The following ARFIP1 variants were observed in gnomAD, a reference collection of about 807,000 sequenced individuals.
The protein encoded by ARFIP1 is ARF interacting protein 1.
A neutral mutation model predicts 42.5 loss-of-function variants in ARFIP1; 24 were observed. The ratio of observed to expected loss-of-function variants is 0.57; its 90% CI spans 0.41 to 0.80. ARFIP1 has a LOEUF of 0.80. Among genes scored for constraint, ARFIP1 ranks in the 30% least tolerant of loss-of-function variants. ARFIP1 has a pLI of 0.00. For missense variants in ARFIP1, 354 were observed against 434.0 expected, an observed-to-expected ratio of 0.82 and a Z score of 1.64; for synonymous variants, 141 against 153.7, an observed-to-expected ratio of 0.92 and a Z score of 0.61.
At chr4:152,900,953 TAAC>T (rs1737781936) in intron 8 of ARFIP1, among the ~76,000 whole-genome samples, 1 of 152,232 alleles carries the variant, frequency 6.6e-6, no homozygotes. Context: ...TTGAAGAACT[TAAC>T]AATCATAAAT....
chr4:152,852,393 G>A (rs1456169520), intron 2 of ARFIP1, among the ~76,000 whole-genome samples: 1 of 152,152 alleles, frequency 6.6e-6, no homozygotes, highest in Admixed American at 6.5e-5. Context: ...CACTTTGGGA[G>A]GCTGAGGCGG....
At chr4:152,845,279 C>A (rs1184414624) in intron 2 of ARFIP1, among the ~76,000 whole-genome samples, 1 of 152,144 alleles carries the variant, frequency 6.6e-6, no homozygotes, top group African/African-American at 2.4e-5. Context: ...CTAGGAAACA[C>A]CATCTGGCCA....
At chr4:152,830,336 C>A (rs1731166733) in intron 2 of ARFIP1, among the ~76,000 whole-genome samples, 1 of 152,034 alleles carries the variant, frequency 6.6e-6, no homozygotes, top group Non-Finnish European at 1.5e-5. Context: ...GTTTTCTAAT[C>A]TCTACAATGA....
rs377025736 is a variant in ARFIP1 at position 152,900,657 on chromosome 4, TA to T, written c.967-9403del. 2.3e-3 allele frequency among the ~76,000 whole-genome samples: 346 copies of T among 152,256 alleles called. 2 individuals are homozygous for T. The highest frequency in any genetic ancestry group is 8.0e-3 in the African/African-American group (333 of 41,556). On this transcript the variant is annotated intron_variant, in intron 8 of 8. Coordinates refer to ENST00000353617, the MANE Select transcript of ARFIP1 (RefSeq NM_001025595.3). ...ATAAAATTATACTCCACAAACCTAA[TA>T]AAAGGCCAAGGCAGGTATATTTTCT...
At chr4:152,875,835 G>C (rs891444056) in intron 5 of ARFIP1, among the ~76,000 whole-genome samples, 8 of 151,900 alleles carry the variant, frequency 5.3e-5, no homozygotes, top group African/African-American at 1.7e-4. Context: ...TTGTGGGAGG[G>C]ACCTAAGGGG....
intron 1 of ARFIP1, among the ~76,000 whole-genome samples, chr4:152,808,630 A>G (rs1216210907): frequency 6.6e-6 from 1 of 152,048 alleles, no homozygotes; most frequent in Non-Finnish European, 1.5e-5. Context: ...GTTGCTCTAC[A>G]TACTGGCTAC....
intron 1 of ARFIP1, among the ~76,000 whole-genome samples, chr4:152,812,909 T>C (rs947910272): frequency 6.6e-6 from 1 of 152,212 alleles, no homozygotes; most frequent in Non-Finnish European, 1.5e-5. Flanking sequence ...GAATCCACCT[T>C]TTTTCATTCC....
intron 5 of ARFIP1, among the ~76,000 whole-genome samples, chr4:152,880,479 C>T (rs1416614727): frequency 1.3e-5 from 2 of 152,124 alleles, no homozygotes; most frequent in African/African-American, 2.4e-5. Context: ...CCTCTTCCCC[C>T]CCGCTTTCAT....
intron 1 of ARFIP1, among the ~76,000 whole-genome samples, chr4:152,812,507 T>A (rs965448958): frequency 6.6e-6 from 1 of 152,254 alleles, no homozygotes; most frequent in African/African-American, 2.4e-5. Flanking sequence ...TTCCTTTTAA[T>A]GTTCCACACG....
rs181919263 is a variant in ARFIP1, at chr4:152,793,814, C to T, written c.-10+13588C>T. ...TTTTCCTCATTGGTGCTGTTTTATA[C>T]AGGCGGTCAAATGATAACTCCTATT... On this transcript the variant is annotated intron_variant, in intron 1 of 8. Coordinates refer to ENST00000353617, the MANE Select transcript of ARFIP1 (RefSeq NM_001025595.3). Among the ~76,000 whole-genome samples, 157 of 152,240 alleles carry T rather than the reference C, an allele frequency of 1.0e-3. 1 individual carries two copies. The highest frequency in any genetic ancestry group is 3.5e-3 in the African/African-American group (144 of 41,556).
At position 152,794,165 on chromosome 4, in the gene ARFIP1, T is replaced by C. The variant is rs187501337; in HGVS notation, c.-10+13939T>C. Reference sequence around the variant, plus strand: ...TAGGAAATGAACATTGATATAATATTATTGATTAAACTATAGCTCTTATTA... The same window carrying C: ...TAGGAAATGAACATTGATATAATATCATTGATTAAACTATAGCTCTTATTA... On this transcript the variant is annotated intron_variant, in intron 1 of 8. Transcript: ENST00000353617. Among the ~76,000 whole-genome samples the C allele has an allele frequency of 2.5e-3, 385 of 152,236 alleles. 4 individuals are homozygous for C. The highest frequency in any genetic ancestry group is 9.2e-4 in the Admixed American group (14 of 15,288).
chr4:152,783,637 G>A (rs1730631974), intron 1 of ARFIP1, among the ~76,000 whole-genome samples: 2 of 152,142 alleles, frequency 1.3e-5, no homozygotes, highest in South Asian at 2.1e-4. Flanking sequence ...TCTACCATGC[G>A]TCCATTATGT....
chr4:152,859,657 T>C lies in ARFIP1; in HGVS notation c.94-3949T>C, dbSNP rs117103670. ...TAATGATCTTCCAGCTGGGCTTTTC[T>C]TGCATTTTTTGGTTTGTACTCTGTA... On this transcript the variant is annotated intron_variant, in intron 2 of 8. Coordinates refer to ENST00000353617, the MANE Select transcript of ARFIP1 (RefSeq NM_001025595.3). 1.9e-3 allele frequency among the ~76,000 whole-genome samples: 288 copies of C among 152,238 alleles called. 5 individuals are homozygous for C. The highest frequency in any genetic ancestry group is 0.013 in the Admixed American group (199 of 15,288).
At chr4:152,781,334 C>T (rs1730484639) in intron 1 of ARFIP1, among the ~76,000 whole-genome samples, 3 of 150,280 alleles carry the variant, frequency 2.0e-5, no homozygotes, top group African/African-American at 7.3e-5. Context: ...CTCCCAGGCT[C>T]AAGCTTTTCT....
chr4:152,837,134 A>G lies in ARFIP1; in HGVS notation c.93+7408A>G, dbSNP rs181710705. ...TCATTCCTCTTTATGCCTGTGTAAT[A>G]TTGCATCATATATATACACCACAGT... On this transcript the variant is annotated intron_variant, in intron 2 of 8. Transcript: ENST00000353617. Among the ~76,000 whole-genome samples, 6 of 152,244 alleles carry G rather than the reference A, an allele frequency of 3.9e-5. No homozygotes were observed. The East Asian group carries it at 1.2e-3, about 29-fold the overall frequency.
At chr4:152,898,504 G>GT (rs1230627532) in intron 8 of ARFIP1, among the ~76,000 whole-genome samples, 1 of 151,886 alleles carries the variant, frequency 6.6e-6, no homozygotes, top group East Asian at 1.9e-4. Flanking sequence ...TTCACCTTAA[G>GT]TTTTTTAAGG....
intron 2 of ARFIP1, among the ~76,000 whole-genome samples, chr4:152,856,328 A>G (rs577395911): frequency 4.7e-4 from 72 of 152,330 alleles, no homozygotes; most frequent in African/African-American, 1.6e-3. Context: ...ACCATTCTGG[A>G]CCTACACAGT....
rs868120121 is a variant in ARFIP1 at position 152,852,815 on chromosome 4, A to G, written c.94-10791A>G. Among the ~76,000 whole-genome samples the G allele has an allele frequency of 3.3e-5, 5 of 152,192 alleles. No individual in the cohort carries two copies. In the South Asian group the frequency reaches 8.3e-4, roughly 25 times the overall value. On this transcript the variant is annotated intron_variant, in intron 2 of 8. Coordinates refer to ENST00000353617, the MANE Select transcript of ARFIP1 (RefSeq NM_001025595.3). The stretch of plus-strand genomic sequence containing the variant: ...CATAGCCCCTATTATTTTGTGTTTC[A>G]TTTAGCTGCCAAACCACATCAGAAT...
intron 7 of ARFIP1, 88 bp from the exon 8 acceptor site, chr4:152,888,045 T>G: frequency 3.0e-6 from 3 of 989,314 alleles, no homozygotes; most frequent in Non-Finnish European, 4.5e-6. Flanking sequence ...TTGTATAGTA[T>G]GAGACTGAAT....
Sources: allele counts gnomAD v4.1 joint callset (sites outside exome capture counted in the v4.1 genomes callset), GRCh38; gene constraint gnomAD v4.1.1; transcripts MANE v1.5; gene names NCBI Gene and HGNC (gene_info 2026-07-23, HGNC 2026-07-21).